HMCN2: variants seen among roughly 807,000 people sequenced by gnomAD.
HMCN2 encodes the protein hemicentin-2.
HMCN2 carries 325 observed loss-of-function variants against 377.5 expected under a neutral mutation model. The ratio of observed to expected loss-of-function variants is 0.86; its 90% confidence interval spans 0.79 to 0.94. The LOEUF (loss-of-function observed/expected upper bound fraction) is 0.94. HMCN2 is among the 40% of genes least tolerant of loss of function. HMCN2 has a pLI of 0.00. For missense variants in HMCN2, 4,543 were observed against 4,725.3 expected, an observed-to-expected ratio of 0.96 and a Z score of 1.13; for synonymous variants, 2,007 against 2,046.8, an observed-to-expected ratio of 0.98 and a Z score of 0.53.
chr9:130,364,546 A>G (rs951166816), intron 40 of HMCN2, among the ~76,000 whole-genome samples, 168 bp from the exon 41 acceptor site: 2 of 152,198 alleles, frequency 1.3e-5, no homozygotes, highest in Non-Finnish European at 2.9e-5. Context: ...GGATGTGGAT[A>G]TCGTGACAAT....
rs1205184209 is a variant in HMCN2, at chr9:130,394,015, CCTCTGGCCTCTGGCCAGCTT to C, written c.10501+14_10501+33del. 8.2e-7 allele frequency: 1 copy of C among 1,223,792 alleles called. No individual in the cohort carries two copies. The highest frequency in any genetic ancestry group is 3.0e-5 in the Admixed American group (1 of 33,294). 75.8% of individuals were successfully genotyped at this position (1,223,792 alleles called of 1,614,324 possible). A position where few individuals can be genotyped will look rare whatever the true frequency, so the allele number is the denominator to read the frequency against. ...TTCCAGCTGACCGTCATGGGTGGGTCCTCTGGCCTCTGGCCAGCTTCTCTGGGCTCGGGGGAGAGGGTGGG... is the reference window on the plus strand; with the variant it reads ...TTCCAGCTGACCGTCATGGGTGGGTCCTCTGGGCTCGGGGGAGAGGGTGGG... On this transcript the variant is annotated splice_region_variant and intron_variant, in intron 68 of 97. Coordinates refer to ENST00000683500, the MANE Select transcript of HMCN2 (RefSeq NM_001291815.2). The surrounding 1 kb of genome is among the most constrained non-coding windows in gnomAD (Gnocchi z 5.1).
At position 130,393,628 on chromosome 9, in the gene HMCN2, A is replaced by G. The variant is rs1842444732; in HGVS notation, c.10235-114A>G. 4.1e-6 allele frequency: 4 copies of G among 981,974 alleles called. No homozygotes were observed. Among genetic ancestry groups the G allele is most frequent in the Non-Finnish European group, 5.3e-6 (4 of 761,272 alleles). The allele number at this position is 981,974 out of a possible 1,614,324, so 60.8% of individuals were successfully genotyped here. ...GTGGGAGCACAGAGGAGGGCACCTC[A>G]CCTGGCCTTGGGGGACCAGGGCGGC... is the stretch of plus-strand genomic sequence containing the variant. On this transcript the variant is annotated intron_variant, in intron 67 of 97. Coordinates refer to ENST00000683500, the MANE Select transcript of HMCN2 (RefSeq NM_001291815.2). This position sits in a 1 kb window ranked among gnomAD's most constrained non-coding sequence, Gnocchi z 5.2.
At position 130,384,353 on chromosome 9, in the gene HMCN2, C is replaced by T. The variant is rs965618072; in HGVS notation, c.8831-20C>T. The T allele has an allele frequency of 3.1e-6, 4 of 1,283,252 alleles. No homozygotes were observed. Among genetic ancestry groups the T allele is most frequent in the African/African-American group, 1.5e-5 (1 of 65,528 alleles). The allele number at this position is 1,283,252 out of a possible 1,614,324, so 79.5% of individuals were successfully genotyped here. A position where few individuals can be genotyped will look rare whatever the true frequency, so the allele number is the denominator to read the frequency against. On this transcript the variant is annotated intron_variant, in intron 57 of 97. Transcript: ENST00000683500. ...GTGTGATTCTCATGCCTTTCTCTAC[C>T]GTGGTGGCTGTGGGGATAGTCCCGC...
At chr9:130,358,574 G>A (rs532772899) in intron 36 of HMCN2, 88 bp downstream of exon 36, 11 of 1,213,078 alleles carry the variant, frequency 9.1e-6, no homozygotes, top group Non-Finnish European at 9.9e-6. Flanking sequence ...TGGCGAGGGA[G>A]GGGGAGGAGG....
intron 52 of HMCN2, among the ~76,000 whole-genome samples, chr9:130,377,404 G>A (rs969611491): frequency 9.2e-5 from 14 of 152,134 alleles, no homozygotes; most frequent in Non-Finnish European, 1.9e-4. Flanking sequence ...TGGCCACTGC[G>A]CCCAGCCATA....
At chr9:130,276,887 C>A (rs1283123629) in intron 1 of HMCN2, among the ~76,000 whole-genome samples, 5 of 152,156 alleles carry the variant, frequency 3.3e-5, no homozygotes, top group African/African-American at 1.2e-4. Context: ...GGGGTCACTG[C>A]AGCTGGAGGA....
At chr9:130,317,701 T>A in intron 15 of HMCN2, among the ~76,000 whole-genome samples, 1 of 147,860 alleles carries the variant, frequency 6.8e-6, no homozygotes, top group East Asian at 2.0e-4. Context: ...GGTTTCCCCA[T>A]GTCGAACCTG....
At chr9:130,348,363 C>A in intron 26 of HMCN2, 182 bp from the exon 27 acceptor site, 1 of 871,548 alleles carries the variant, frequency 1.1e-6, no homozygotes, top group South Asian at 5.3e-5. Context: ...TGTGTGGGTC[C>A]CAGGGCAAGG....
Position 130,368,343 on chromosome 9 carries a change from G to A in HMCN2, c.6693G>A (p.Leu2231=), listed in dbSNP as rs1840810652. Residue 2231 remains leucine, a synonymous_variant, in exon 44 of 98, where the codon CTG becomes CTA. Coordinates refer to ENST00000683500, the MANE Select transcript of HMCN2 (RefSeq NM_001291815.2). ...HVSAVGRLLY[L]GQAQLAQEGT... is the part of the protein sequence containing the mutation. ...CGGCTGTGGGGAGGCTGTTGTACCT[G>A]GGACAGGCCCAGCTGGCTCAGGAAG... 1.0e-6 allele frequency: 1 copy of A among 985,786 alleles called. No individual in the cohort carries two copies. The highest frequency in any genetic ancestry group is 1.2e-6 in the Non-Finnish European group (1 of 829,952). The allele number at this position is 985,786 out of a possible 1,614,324, so 61.1% of individuals were successfully genotyped here. A position where few individuals can be genotyped will look rare whatever the true frequency, so the allele number is the denominator to read the frequency against.
intron 33 of HMCN2, 105 bp downstream of exon 33, chr9:130,355,959 G>A (rs1840003931): frequency 2.3e-5 from 21 of 902,570 alleles, no homozygotes; most frequent in Non-Finnish European, 3.2e-5. Flanking sequence ...GTTTCCAGGA[G>A]TAGGAAAGAG....
chr9:130,331,388 T>C lies in HMCN2; in HGVS notation c.3359+3913T>C, dbSNP rs930706476. 3.3e-5 allele frequency among the ~76,000 whole-genome samples: 5 copies of C among 152,184 alleles called. No homozygotes were observed. The South Asian group carries it at 1.0e-3, about 31-fold the overall frequency. On this transcript the variant is annotated intron_variant, in intron 22 of 97. Coordinates refer to ENST00000683500, the MANE Select transcript of HMCN2 (RefSeq NM_001291815.2). The stretch of plus-strand genomic sequence containing the variant: ...GTGGGAATGGTCACTGAGTGCTTCT[T>C]TCCTGTGGGACTTATTTTTGAAAAA...
In HMCN2 at chr9:130,395,490, C is replaced by A; in HGVS notation, c.10911+143C>A. 5 of 673,008 alleles carry A rather than the reference C, an allele frequency of 7.4e-6. No individual in the cohort carries two copies. The South Asian group carries it at 7.7e-5, about 10-fold the overall frequency. 41.7% of individuals were successfully genotyped at this position (673,008 alleles called of 1,614,324 possible). A position where few individuals can be genotyped will look rare whatever the true frequency, so the allele number is the denominator to read the frequency against. ...GCACCCTGTTCCCCGGGTGTCATAC[C>A]CCCCGCCATTGTCATTGTCACTCCC... On this transcript the variant is annotated intron_variant, in intron 71 of 97. Coordinates refer to ENST00000683500, the MANE Select transcript of HMCN2 (RefSeq NM_001291815.2).
chr9:130,346,258 G>A (rs1839386723), intron 25 of HMCN2, among the ~76,000 whole-genome samples: 1 of 152,166 alleles, frequency 6.6e-6, no homozygotes, highest in Non-Finnish European at 1.5e-5. Flanking sequence ...GTGCCTCAAA[G>A]GGGTCACTTG....
At chr9:130,384,144 C>T (rs1215869952) in intron 57 of HMCN2, among the ~76,000 whole-genome samples, 1 of 152,204 alleles carries the variant, frequency 6.6e-6, no homozygotes, top group Non-Finnish European at 1.5e-5. Context: ...CTTAGCTCTG[C>T]CACTGACCAG....
At position 130,395,127 on chromosome 9, in the gene HMCN2, G is replaced by C; in HGVS notation, c.10774+19G>C. On this transcript the variant is annotated intron_variant, in intron 70 of 97. Transcript: ENST00000683500. ...GTTCAAGGTAGGTGGTGGGGGTGGGGTGGGGGCAGGGCCGGGAGGCAGGAC... is the reference window on the plus strand; with the variant it reads ...GTTCAAGGTAGGTGGTGGGGGTGGGCTGGGGGCAGGGCCGGGAGGCAGGAC... 4 of 1,270,494 alleles carry C rather than the reference G, an allele frequency of 3.1e-6. No homozygotes were observed. The highest frequency in any genetic ancestry group is 4.1e-6 in the Non-Finnish European group (4 of 977,860). 78.7% of individuals were successfully genotyped at this position (1,270,494 alleles called of 1,614,324 possible).
Position 130,306,943 on chromosome 9 carries a change from C to T in HMCN2, c.2086+5C>T, listed in dbSNP as rs1554937039. 2.1e-6 allele frequency: 1 copy of T among 465,526 alleles called. No individual in the cohort carries two copies. The allele number at this position is 465,526 out of a possible 1,614,324, so 28.8% of individuals were successfully genotyped here. A position where few individuals can be genotyped will look rare whatever the true frequency, so the allele number is the denominator to read the frequency against. On this transcript the variant is annotated splice_donor_5th_base_variant and intron_variant, in intron 13 of 97. Coordinates refer to ENST00000683500, the MANE Select transcript of HMCN2 (RefSeq NM_001291815.2). Reference sequence around the variant, plus strand: ...CGGTCACCCTCTACTACACAGGTACCCAGGCCACAAGCATCACCTTACAGG... The same window carrying T: ...CGGTCACCCTCTACTACACAGGTACTCAGGCCACAAGCATCACCTTACAGG...
intron 86 of HMCN2, among the ~76,000 whole-genome samples, chr9:130,421,579 C>T (rs1029884981): frequency 7.2e-5 from 11 of 152,264 alleles, no homozygotes; most frequent in African/African-American, 2.6e-4. Flanking sequence ...TCCAAAGCTG[C>T]GCGGGTCACA....
At chr9:130,419,901 T>C (rs192753425) in intron 86 of HMCN2, among the ~76,000 whole-genome samples, 1 of 152,210 alleles carries the variant, frequency 6.6e-6, no homozygotes, top group East Asian at 1.9e-4. Context: ...TGTGGGACCC[T>C]TTCTGGCCGT....
chr9:130,395,803 C>T, intron 71 of HMCN2, 121 bp from the exon 72 acceptor site: 1 of 1,073,084 alleles, frequency 9.3e-7, no homozygotes, highest in South Asian at 1.6e-5. Flanking sequence ...CTGCGGTCAG[C>T]CTGGAAGTAC....
Sources: allele counts gnomAD v4.1 joint callset (sites outside exome capture counted in the v4.1 genomes callset), GRCh38; gene constraint gnomAD v4.1.1; non-coding constraint Gnocchi (gnomAD v3.1); transcripts MANE v1.5; gene names NCBI Gene and HGNC (gene_info 2026-07-23, HGNC 2026-07-21).